CMIP: variants seen among roughly 807,000 people sequenced by gnomAD.
CMIP encodes C-Maf-inducing protein.
In CMIP, 13 loss-of-function variants were observed where a neutral mutation model predicts 97.3. That is an observed-to-expected ratio of 0.13 (90% CI 0.09 to 0.21). The LOEUF (loss-of-function observed/expected upper bound fraction) is 0.21. Ranked by LOEUF, CMIP falls within the 10% of genes least tolerant of loss-of-function variation. The pLI is 1.00. For missense variants in CMIP, 847 were observed against 1,024.9 expected (o/e 0.83, Z 2.37); for synonymous variants, 538 against 436.3 (o/e 1.23, Z -2.91).
intron 20 of CMIP, among the ~76,000 whole-genome samples, chr16:81,708,446 G>A (rs1049880893): frequency 6.6e-6 from 1 of 151,442 alleles, no homozygotes; most frequent in Non-Finnish European, 1.5e-5. Flanking sequence ...GCTACTGTGA[G>A]ACCAAGCTGG....
rs371480797 is a variant in CMIP at position 81,681,660 on chromosome 16, A to G, written c.1388+3032A>G. 2.0e-4 allele frequency among the ~76,000 whole-genome samples: 30 copies of G among 152,336 alleles called. No individual in the cohort carries two copies. The East Asian group carries it at 4.4e-3, about 23-fold the overall frequency. On this transcript the variant is annotated intron_variant, in intron 10 of 20. Transcript: ENST00000537098. ...TGAGGGCGAGATGCGTCATTGATTC[A>G]GTAAGAGTGCTTTGAGAGAGAAAAG... is the stretch of plus-strand genomic sequence containing the variant.
intron 7 of CMIP, among the ~76,000 whole-genome samples, chr16:81,668,318 G>A (rs1048792464): frequency 1.3e-5 from 2 of 152,114 alleles, no homozygotes; most frequent in African/African-American, 4.8e-5. Context: ...CAGCACCTCC[G>A]CAGCCCTGGC....
chr16:81,516,053 G>T (rs889426744), intron 1 of CMIP, among the ~76,000 whole-genome samples: 1 of 152,184 alleles, frequency 6.6e-6, no homozygotes, highest in Non-Finnish European at 1.5e-5. Flanking sequence ...GCTTCCTGCT[G>T]TTGCTAATCT....
chr16:81,533,471 GTTTTTA>G (rs536886099), intron 1 of CMIP, among the ~76,000 whole-genome samples: 32 of 152,092 alleles, frequency 2.1e-4, no homozygotes, highest in Non-Finnish European at 4.4e-4. Flanking sequence ...GTGCTTTATT[GTTTTTA>G]TTTTTATTTT....
chr16:81,701,949 C>A, intron 16 of CMIP, 149 bp downstream of exon 16: 1 of 930,034 alleles, frequency 1.1e-6, no homozygotes, highest in Non-Finnish European at 1.6e-6. Context: ...TTACCACCTG[C>A]CACTTTTCAG....
intron 10 of CMIP, among the ~76,000 whole-genome samples, chr16:81,684,885 G>C (rs1437514368): frequency 6.6e-6 from 1 of 152,194 alleles, no homozygotes; most frequent in Non-Finnish European, 1.5e-5. Context: ...TCCCACCCCA[G>C]GCCAGCCTTG....
At chr16:81,645,091 G>A (rs1038224538) in intron 3 of CMIP, among the ~76,000 whole-genome samples, 11 of 152,258 alleles carry the variant, frequency 7.2e-5, no homozygotes, top group Non-Finnish European at 5.9e-5. Flanking sequence ...CCGAGTAACT[G>A]TAATGTTACG....
intron 1 of CMIP, among the ~76,000 whole-genome samples, chr16:81,497,503 A>G (rs2089512733): frequency 6.6e-6 from 1 of 152,218 alleles, no homozygotes; most frequent in Non-Finnish European, 1.5e-5. Flanking sequence ...CTCTGGAAGC[A>G]AGGCGACTGT....
intron 1 of CMIP, among the ~76,000 whole-genome samples, chr16:81,557,698 C>G (rs903156088): frequency 6.6e-6 from 1 of 152,174 alleles, no homozygotes; most frequent in Non-Finnish European, 1.5e-5. Flanking sequence ...TCGCCTAGTT[C>G]AAGGCTACAA....
intron 1 of CMIP, among the ~76,000 whole-genome samples, chr16:81,604,422 G>A (rs527516328): frequency 4.8e-5 from 7 of 145,336 alleles, no homozygotes; most frequent in African/African-American, 1.0e-4. Flanking sequence ...AAAAAGGACC[G>A]GCTGCGGTGG....
intron 1 of CMIP, among the ~76,000 whole-genome samples, chr16:81,578,166 C>A (rs539908775): frequency 1.3e-5 from 2 of 151,428 alleles, no homozygotes; most frequent in African/African-American, 4.8e-5. Flanking sequence ...TAACCATCAT[C>A]CCCATTACCA....
At chr16:81,481,918 A>C (rs767813415) in intron 1 of CMIP, among the ~76,000 whole-genome samples, 124 of 136,958 alleles carry the variant, frequency 9.1e-4, no homozygotes, top group Non-Finnish European at 1.6e-3. Flanking sequence ...TCACTCTGTC[A>C]CCCAGGCTGG....
At chr16:81,579,911 G>A (rs972654571) in intron 1 of CMIP, among the ~76,000 whole-genome samples, 9 of 152,088 alleles carry the variant, frequency 5.9e-5, no homozygotes, top group East Asian at 1.9e-4. Flanking sequence ...AGCCGAGATC[G>A]CACCACTGCA....
intron 16 of CMIP, among the ~76,000 whole-genome samples, chr16:81,702,262 C>T (rs1202647814): frequency 6.6e-6 from 1 of 152,148 alleles, no homozygotes; most frequent in East Asian, 1.9e-4. Flanking sequence ...CCCCAGCTCC[C>T]TCACCCCTTC....
intron 9 of CMIP, among the ~76,000 whole-genome samples, chr16:81,674,362 A>T (rs2092709625): frequency 6.6e-6 from 1 of 152,162 alleles, no homozygotes; most frequent in South Asian, 2.1e-4. Flanking sequence ...TGATCTCCTG[A>T]CCTCGTGATC....
At chr16:81,687,762 T>C (rs1905573215) in intron 10 of CMIP, among the ~76,000 whole-genome samples, 1 of 152,172 alleles carries the variant, frequency 6.6e-6, no homozygotes, top group African/African-American at 2.4e-5. Context: ...TCCCAGCTTT[T>C]GGGGGCAAGA....
At chr16:81,656,544 G>T (rs1227089744) in intron 4 of CMIP, among the ~76,000 whole-genome samples, 3 of 152,240 alleles carry the variant, frequency 2.0e-5, no homozygotes, top group Admixed American at 1.3e-4. Flanking sequence ...GTGATTCCTT[G>T]TTTATGGCAC....
intron 3 of CMIP, among the ~76,000 whole-genome samples, chr16:81,623,873 G>C (rs2092024183): frequency 6.6e-6 from 1 of 152,114 alleles, no homozygotes; most frequent in Non-Finnish European, 1.5e-5. Flanking sequence ...ATAGAACCAA[G>C]GCTCAGAGAG....
At chr16:81,672,203 T>G in intron 9 of CMIP, 133 bp downstream of exon 9, 1 of 559,920 alleles carries the variant, frequency 1.8e-6, no homozygotes, top group East Asian at 3.0e-5. Flanking sequence ...CCTCATGGTG[T>G]GTTTGCCAGT....
Sources: allele counts gnomAD v4.1 joint callset (sites outside exome capture counted in the v4.1 genomes callset), GRCh38; gene constraint gnomAD v4.1.1; transcripts MANE v1.5; gene names NCBI Gene and HGNC (gene_info 2026-07-23, HGNC 2026-07-21).